RELN: variants seen among roughly 807,000 people sequenced by gnomAD.
RELN encodes the protein reelin.
RELN carries 108 observed loss-of-function variants against 427.6 expected under a neutral mutation model. That is an observed-to-expected ratio of 0.25 (90% confidence interval 0.22 to 0.30). RELN has a LOEUF of 0.30. RELN is among the 10% of genes least tolerant of loss of function. The pLI, the probability that RELN is intolerant of heterozygous loss-of-function variation, is 1.00. For synonymous variants in RELN, 1,524 were observed against 1,513.4 expected (o/e 1.01, Z -0.16); for missense variants, 3,715 against 4,302.8 (o/e 0.86, Z 3.82).
At chr7:103,949,776 G>T (rs1796299072) in intron 1 of RELN, among the ~76,000 whole-genome samples, 1 of 152,104 alleles carries the variant, frequency 6.6e-6, no homozygotes, top group Non-Finnish European at 1.5e-5. Flanking sequence ...TCTCAAGAAT[G>T]TAAACTCAAA....
chr7:103,783,158 T>C (rs969392135), intron 3 of RELN, among the ~76,000 whole-genome samples: 4 of 88,060 alleles, frequency 4.5e-5, no homozygotes, highest in African/African-American at 1.0e-4. Flanking sequence ...TCTTTTCTCT[T>C]TCTTTCTTTT....
At chr7:103,690,796 T>C (rs1833857951) in intron 10 of RELN, among the ~76,000 whole-genome samples, 1 of 152,092 alleles carries the variant, frequency 6.6e-6, no homozygotes, top group African/African-American at 2.4e-5. Flanking sequence ...ACCTCCTTGA[T>C]AGTGAACAAA....
chr7:103,549,233 G>T (rs891999981), intron 41 of RELN, among the ~76,000 whole-genome samples: 19 of 152,140 alleles, frequency 1.2e-4, no homozygotes, highest in Non-Finnish European at 2.8e-4. Flanking sequence ...TAGCTGGGAA[G>T]TCCAAGATAA....
At chr7:103,715,930 G>A (rs558389008) in intron 8 of RELN, among the ~76,000 whole-genome samples, 4 of 152,290 alleles carry the variant, frequency 2.6e-5, no homozygotes, top group African/African-American at 9.6e-5. Flanking sequence ...AACTACACCC[G>A]AATGCTCATG....
chr7:103,623,109 C>G (rs1832255312), intron 20 of RELN, among the ~76,000 whole-genome samples: 1 of 152,186 alleles, frequency 6.6e-6, no homozygotes, highest in African/African-American at 2.4e-5. Flanking sequence ...GTCTTCAATA[C>G]TGAGAATACT....
intron 41 of RELN, among the ~76,000 whole-genome samples, chr7:103,549,740 G>A (rs994423033): frequency 6.6e-6 from 1 of 152,238 alleles, no homozygotes; most frequent in Admixed American, 6.5e-5. Context: ...TCTGAGTGAA[G>A]TCCATGCCAT....
chr7:103,965,906 C>A (rs1170847081), intron 1 of RELN, among the ~76,000 whole-genome samples: 2 of 152,118 alleles, frequency 1.3e-5, no homozygotes, highest in African/African-American at 4.8e-5. Flanking sequence ...TTATTCTTAA[C>A]ATTTGAATTA....
chr7:103,545,109 G>T lies in RELN; in HGVS notation c.6523+15C>A. The T allele has an allele frequency of 1.9e-6, 3 of 1,602,522 alleles. No individual in the cohort carries two copies. The highest frequency in any genetic ancestry group is 2.2e-5 in the East Asian group (1 of 44,824). ...TCTTTCACAAGACTACATAGAATTT[G>T]TAAGAAAAGACTACCTTCGAAATCA... is the stretch of plus-strand genomic sequence containing the variant. On this transcript the variant is annotated intron_variant, in intron 42 of 64. Transcript: ENST00000428762.
At chr7:103,682,358 A>T in intron 10 of RELN, 97 bp from the exon 11 acceptor site, 1 of 1,272,332 alleles carries the variant, frequency 7.9e-7, no homozygotes, top group Non-Finnish European at 1.1e-6. Flanking sequence ...AAAAGTTATT[A>T]TATTAGCTCC....
rs1399437440 is a variant in RELN at position 103,496,718 on chromosome 7, C to G, written c.9001G>C (p.Val3001Leu). ...GGAAGAAGTATGTAGTCGTGTCTAA[C>G]AGAAATGTATTTCTGGTAATCCATC... ...HEMDYQKYIS[V>L]RHDYILLPED... The change falls in exon 56 of 65, where the codon GTT (valine) becomes CTT (leucine). Residue 3001 changes from valine to leucine, a missense_variant. By Grantham distance (32) the Val-to-Leu change is conservative. This residue lies in a region of RELN where 1,310 missense variants were observed against 1,643.0 expected (regional missense o/e 0.80). Coordinates refer to ENST00000428762, the MANE Select transcript of RELN (RefSeq NM_005045.4). 3 of 1,614,118 alleles carry G rather than the reference C, an allele frequency of 1.9e-6. No homozygotes were observed. The highest frequency in any genetic ancestry group is 2.5e-6 in the Non-Finnish European group (3 of 1,179,992).
At position 103,663,781 on chromosome 7, in the gene RELN, T is replaced by C. The variant is rs78482920; in HGVS notation, c.1290-2254A>G. 7.5e-4 allele frequency among the ~76,000 whole-genome samples: 114 copies of C among 152,330 alleles called. No homozygotes were observed. The South Asian group carries it at 0.011, about 15-fold the overall frequency. On this transcript the variant is annotated intron_variant, in intron 11 of 64. Transcript: ENST00000428762. ...CAAGCCCTGCAATGACCACCTGGTC[T>C]TTAGCTTCTCTGTTGGCCTAGGTTC...
chr7:103,494,394 G>GTGTGTGTGTGTGTGTGTGT lies in RELN; in HGVS notation c.9369+1328_9369+1329insACACACACACACACACACA, dbSNP rs774896895. Among the ~76,000 whole-genome samples the GTGTGTGTGTGTGTGTGTGT allele has an allele frequency of 7.2e-3, 975 of 134,506 alleles. 15 individuals are homozygous for GTGTGTGTGTGTGTGTGTGT. Among genetic ancestry groups the GTGTGTGTGTGTGTGTGTGT allele is most frequent in the South Asian group, 0.039 (160 of 4,060 alleles). The allele number at this position is 134,506 out of a possible 152,430, so 88.2% of individuals were successfully genotyped here. On this transcript the variant is annotated intron_variant, in intron 57 of 64. Coordinates refer to ENST00000428762, the MANE Select transcript of RELN (RefSeq NM_005045.4). ...GTGTGTGTGTGTGTGTGTGTGTGTG[G>GTGTGTGTGTGTGTGTGTGT]GATATGGTCTTGTTCTGTTGCCCTA... is the stretch of plus-strand genomic sequence containing the variant.
intron 36 of RELN, among the ~76,000 whole-genome samples, chr7:103,558,427 G>A (rs1320438161): frequency 1.3e-5 from 2 of 152,158 alleles, no homozygotes; most frequent in African/African-American, 4.8e-5. Flanking sequence ...AAGTGCTCCC[G>A]CTGGAAGATG....
Position 103,604,366 on chromosome 7 carries a change from T to A in RELN, c.3126A>T (p.Ser1042=), listed in dbSNP as rs773562211. Reference sequence around the variant, plus strand: ...CATACCTGCATATGCCATGATCGCATGAGCCATGCCCACTGCACATGTTGG... The same window carrying A: ...CATACCTGCATATGCCATGATCGCAAGAGCCATGCCCACTGCACATGTTGG... The part of the protein sequence containing the change: ...QCPNMCSGHG[S]CDHGICRCDQ... The change falls in exon 23 of 65, where the codon TCA becomes TCT. Residue 1042 remains serine, a synonymous_variant. Coordinates refer to ENST00000428762, the MANE Select transcript of RELN (RefSeq NM_005045.4). The A allele has an allele frequency of 8.7e-6, 14 of 1,613,860 alleles. No individual in the cohort carries two copies. Among genetic ancestry groups the A allele is most frequent in the South Asian group, 1.1e-5 (1 of 91,074 alleles).
At chr7:103,641,028 C>T (rs551206363) in intron 16 of RELN, among the ~76,000 whole-genome samples, 6 of 152,114 alleles carry the variant, frequency 3.9e-5, no homozygotes, top group Non-Finnish European at 5.9e-5. Context: ...AAATCTATAA[C>T]ACTGTGGATG....
At chr7:103,578,589 T>C (rs958059897) in intron 28 of RELN, among the ~76,000 whole-genome samples, 3 of 152,346 alleles carry the variant, frequency 2.0e-5, no homozygotes, top group African/African-American at 7.2e-5. Context: ...TGGTTCCTGA[T>C]GTCTGCTGCT....
intron 2 of RELN, among the ~76,000 whole-genome samples, chr7:103,875,330 AT>A (rs1794453049): frequency 6.6e-6 from 1 of 151,298 alleles, no homozygotes; most frequent in Non-Finnish European, 1.5e-5. Flanking sequence ...ACCAAAAGCA[AT>A]GGCAACAAAA....
chr7:103,931,033 C>A (rs569096844), intron 1 of RELN, among the ~76,000 whole-genome samples: 43 of 152,158 alleles, frequency 2.8e-4, no homozygotes, highest in African/African-American at 1.0e-3. Context: ...GACTGCTGCC[C>A]TTCCTGAGTC....
chr7:103,624,371 A>T (rs1275980364), intron 20 of RELN, among the ~76,000 whole-genome samples: 2 of 151,860 alleles, frequency 1.3e-5, no homozygotes, highest in South Asian at 2.1e-4. Flanking sequence ...GGCTTCAAAG[A>T]TCCTCCCACC....
Sources: allele counts gnomAD v4.1 joint callset (sites outside exome capture counted in the v4.1 genomes callset), GRCh38; gene constraint gnomAD v4.1.1; regional missense constraint gnomAD v4.1.1; transcripts MANE v1.5; gene names NCBI Gene and HGNC (gene_info 2026-07-23, HGNC 2026-07-21).